The following RAP1GAP2 variants were observed in gnomAD, a reference collection of about 807,000 sequenced individuals.
RAP1GAP2 encodes the protein rap1 GTPase-activating protein 2.
RAP1GAP2 carries 27 observed loss-of-function variants against 95.0 expected under a neutral mutation model. The observed-to-expected ratio is 0.28, with a 90% CI of 0.21 to 0.39. The LOEUF (loss-of-function observed/expected upper bound fraction) is 0.39. Among genes scored for constraint, RAP1GAP2 ranks in the 10% least tolerant of loss-of-function variants. The pLI is 1.00. For synonymous variants in RAP1GAP2, 373 were observed against 380.9 expected (o/e 0.98, Z 0.24); for missense variants, 771 against 970.0 (o/e 0.79, Z 2.72).
intron 2 of RAP1GAP2, among the ~76,000 whole-genome samples, chr17:2,856,865 C>T (rs1184463379): frequency 6.6e-6 from 1 of 152,242 alleles, no homozygotes; most frequent in Non-Finnish European, 1.5e-5. Context: ...TGGACTTAAC[C>T]TACCCAAGGA....
intron 2 of RAP1GAP2, among the ~76,000 whole-genome samples, chr17:2,897,458 T>C (rs1052998480): frequency 4.6e-5 from 7 of 152,146 alleles, no homozygotes; most frequent in Admixed American, 4.6e-4. Flanking sequence ...TTGCCCAGGC[T>C]GGAATGCAGT....
chr17:3,036,046 T>C lies in RAP1GAP2; in HGVS notation c.*2685T>C, dbSNP rs541349525. On this transcript the variant is annotated 3_prime_UTR_variant, in exon 25 of 25. Coordinates refer to ENST00000254695, the MANE Select transcript of RAP1GAP2 (RefSeq NM_015085.5). ...ACTGAAGAAACTACTTTTCAGGCACTGTAGGGTCACCCATATGCCTCCAGC... is the reference window on the plus strand; with the variant it reads ...ACTGAAGAAACTACTTTTCAGGCACCGTAGGGTCACCCATATGCCTCCAGC... 11 of 152,382 alleles carry C rather than the reference T, an allele frequency of 7.2e-5. No individual in the cohort carries two copies. The highest frequency in any genetic ancestry group is 2.6e-4 in the African/African-American group (11 of 41,584). 9.4% of individuals were successfully genotyped at this position (152,382 alleles called of 1,614,324 possible).
intron 4 of RAP1GAP2, among the ~76,000 whole-genome samples, chr17:2,959,366 G>A (rs1252658698): frequency 1.3e-5 from 2 of 152,178 alleles, no homozygotes; most frequent in African/African-American, 4.8e-5. Flanking sequence ...CTCTGTCTGT[G>A]CAATGGCTGA....
intron 17 of RAP1GAP2, among the ~76,000 whole-genome samples, chr17:3,015,822 GAA>G (rs11309614): frequency 6.7e-6 from 1 of 149,154 alleles, no homozygotes; most frequent in Non-Finnish European, 1.5e-5. Context: ...CTCTGTCTCA[GAA>G]AAAAAAAAAG....
At chr17:2,935,721 G>A (rs576810726) in intron 3 of RAP1GAP2, among the ~76,000 whole-genome samples, 3 of 152,148 alleles carry the variant, frequency 2.0e-5, no homozygotes, top group Admixed American at 6.5e-5. Flanking sequence ...CGGAAGTGCC[G>A]GAGGATGGGG....
intron 2 of RAP1GAP2, among the ~76,000 whole-genome samples, chr17:2,846,173 ACT>A (rs1567703406): frequency 6.7e-6 from 1 of 148,236 alleles, no homozygotes; most frequent in Non-Finnish European, 1.5e-5. Flanking sequence ...ACAGTGCGAG[ACT>A]CTGTCTCAAT....
At position 3,004,683 on chromosome 17, in the gene RAP1GAP2, G is replaced by A. The variant is rs2151603814; in HGVS notation, c.1201-686G>A. Among the ~76,000 whole-genome samples, 1 of 152,340 alleles carries A rather than the reference G, an allele frequency of 6.6e-6. No individual in the cohort carries two copies. Among genetic ancestry groups the A allele is most frequent in the Admixed American group, 6.5e-5 (1 of 15,304 alleles). The stretch of plus-strand genomic sequence containing the variant: ...GCCCCACCCTCAGTTCCTAGCCTGG[G>A]CCTAGGACTGGCTGACCCCGTGTGT... On this transcript the variant is annotated intron_variant, in intron 14 of 24. Coordinates refer to ENST00000254695, the MANE Select transcript of RAP1GAP2 (RefSeq NM_015085.5). The surrounding 1 kb of genome is among the most constrained non-coding windows in gnomAD (Gnocchi z 4.1).
intron 8 of RAP1GAP2, among the ~76,000 whole-genome samples, chr17:2,970,230 C>T (rs540432365): frequency 2.2e-4 from 32 of 145,850 alleles, no homozygotes; most frequent in Admixed American, 7.0e-4. Context: ...GCCGATTTGG[C>T]GCCACTGCAC....
Position 2,963,147 on chromosome 17 carries a change from A to G in RAP1GAP2, c.247-283A>G, listed in dbSNP as rs983535175. On this transcript the variant is annotated intron_variant, in intron 5 of 24. Coordinates refer to ENST00000254695, the MANE Select transcript of RAP1GAP2 (RefSeq NM_015085.5). The surrounding 1 kb of genome is among the most constrained non-coding windows in gnomAD (Gnocchi z 4.8). ...GGGAGACTAGGGGTCATTTTCCGGA[A>G]TGAGCGTTCTAGGATGAGAAGCTGG... 3 of 546,706 alleles carry G rather than the reference A, an allele frequency of 5.5e-6. No individual in the cohort carries two copies. Among genetic ancestry groups the G allele is most frequent in the African/African-American group, 1.9e-5 (1 of 52,086 alleles). The allele number at this position is 546,706 out of a possible 1,614,324, so 33.9% of individuals were successfully genotyped here. A position where few individuals can be genotyped will look rare whatever the true frequency, so the allele number is the denominator to read the frequency against.
chr17:2,873,034 C>T (rs1291963006), intron 2 of RAP1GAP2, among the ~76,000 whole-genome samples: 1 of 149,324 alleles, frequency 6.7e-6, no homozygotes, highest in Non-Finnish European at 1.5e-5. Context: ...ACCCGAGGGG[C>T]GGAGGTTGCA....
At chr17:3,031,581 C>T (rs1484755665) in intron 23 of RAP1GAP2, among the ~76,000 whole-genome samples, 3 of 147,694 alleles carry the variant, frequency 2.0e-5, no homozygotes, top group South Asian at 4.5e-4. Context: ...TCCTGGGTCC[C>T]GAATCCCTTC....
chr17:2,970,811 G>A (rs997461493), intron 8 of RAP1GAP2, among the ~76,000 whole-genome samples: 3 of 151,884 alleles, frequency 2.0e-5, no homozygotes, highest in Admixed American at 6.6e-5. Context: ...AGGCTGAGGC[G>A]GGAGGATCAC....
At chr17:3,018,560 T>G (rs568639893) in intron 18 of RAP1GAP2, among the ~76,000 whole-genome samples, 2 of 152,184 alleles carry the variant, frequency 1.3e-5, no homozygotes, top group East Asian at 3.9e-4. Flanking sequence ...GAGAGGGGTG[T>G]CCTTGCTTTG....
chr17:2,850,263 G>A (rs1289283932), intron 2 of RAP1GAP2, among the ~76,000 whole-genome samples: 2 of 151,084 alleles, frequency 1.3e-5, no homozygotes, highest in Non-Finnish European at 2.9e-5. Flanking sequence ...GCCTCCCAAA[G>A]TGCTGGGATT....
At chr17:3,024,768 A>G (rs543077193) in intron 19 of RAP1GAP2, among the ~76,000 whole-genome samples, 2 of 152,268 alleles carry the variant, frequency 1.3e-5, no homozygotes, top group South Asian at 2.1e-4. Flanking sequence ...TACAACATAG[A>G]CAGACCTTGA....
At chr17:2,848,981 A>G (rs1477321391) in intron 2 of RAP1GAP2, among the ~76,000 whole-genome samples, 1 of 151,908 alleles carries the variant, frequency 6.6e-6, no homozygotes, top group Non-Finnish European at 1.5e-5. Flanking sequence ...GCGCTGATGT[A>G]CCTGCCAAGA....
At position 2,965,496 on chromosome 17, in the gene RAP1GAP2, A is replaced by G; in HGVS notation, c.493-44A>G. 2 of 1,471,122 alleles carry G rather than the reference A, an allele frequency of 1.4e-6. No homozygotes were observed. The highest frequency in any genetic ancestry group is 1.2e-5 in the South Asian group (1 of 83,102). 91.1% of individuals were successfully genotyped at this position (1,471,122 alleles called of 1,614,324 possible). A position where few individuals can be genotyped will look rare whatever the true frequency, so the allele number is the denominator to read the frequency against. On this transcript the variant is annotated intron_variant, in intron 7 of 24. Coordinates refer to ENST00000254695, the MANE Select transcript of RAP1GAP2 (RefSeq NM_015085.5). This position sits in a 1 kb window ranked among gnomAD's most constrained non-coding sequence, Gnocchi z 4.7. ...GTGGTTTAGGGGGAACATACCTGGA[A>G]GGTTTCTTCCTCCTTCCTGCTCACA...
intron 3 of RAP1GAP2, among the ~76,000 whole-genome samples, chr17:2,920,467 T>C (rs2042723693): frequency 6.6e-6 from 1 of 152,084 alleles, no homozygotes; most frequent in Non-Finnish European, 1.5e-5. Flanking sequence ...CATCCCTGCC[T>C]GTTTTCAGGC....
chr17:2,895,611 C>G (rs1363734479), intron 2 of RAP1GAP2, among the ~76,000 whole-genome samples: 1 of 151,462 alleles, frequency 6.6e-6, no homozygotes, highest in Non-Finnish European at 1.5e-5. Context: ...GGGTCTTGCT[C>G]TGTTGCCCAG....
Sources: allele counts gnomAD v4.1 joint callset (sites outside exome capture counted in the v4.1 genomes callset), GRCh38; gene constraint gnomAD v4.1.1; non-coding constraint Gnocchi (gnomAD v3.1); transcripts MANE v1.5; gene names NCBI Gene and HGNC (gene_info 2026-07-23, HGNC 2026-07-21).